The following TAAR5 variants were observed in gnomAD, a reference collection of about 807,000 sequenced individuals.
The protein encoded by TAAR5 is trace amine-associated receptor 5.
In TAAR5, 27 loss-of-function variants were observed where a neutral mutation model predicts 21.1. That is an observed-to-expected ratio of 1.28 (90% CI 0.94 to 1.76). The LOEUF (loss-of-function observed/expected upper bound fraction) is 1.76, where lower values mean the gene tolerates loss of function less well. TAAR5 is among the 40% of genes most tolerant of loss of function. The pLI, the probability that TAAR5 is intolerant of heterozygous loss-of-function variation, is 0.00. For missense variants in TAAR5, 495 were observed against 405.6 expected, an observed-to-expected ratio of 1.22 and a Z score of -1.89; for synonymous variants, 203 against 167.5, an observed-to-expected ratio of 1.21 and a Z score of -1.64.
At chr6:132,604,357 G>A in the TAAR5 span, among the ~76,000 whole-genome samples, 1 of 151,812 alleles carries the variant, frequency 6.6e-6, no homozygotes, top group African/African-American at 2.4e-5. Flanking sequence ...TGGCCAAGAC[G>A]GTCTTGATCT....
chr6:132,612,505 G>A, the TAAR5 span, among the ~76,000 whole-genome samples: 3 of 152,162 alleles, frequency 2.0e-5, no homozygotes, highest in African/African-American at 7.2e-5. Context: ...GAGGAGCTGA[G>A]AGATTTTGTG....
At chr6:132,605,712 G>T in the TAAR5 span, among the ~76,000 whole-genome samples, 1 of 152,120 alleles carries the variant, frequency 6.6e-6, no homozygotes, top group African/African-American at 2.4e-5. Context: ...CCAAACCTCA[G>T]CATCACACAA....
the TAAR5 span, chr6:132,609,203 T>G: frequency 2.8e-6 from 1 of 354,276 alleles, no homozygotes; most frequent in East Asian, 7.4e-5. Context: ...AAAAGAGCGG[T>G]TGGTGGGAGG....
chr6:132,595,300 A>G, the TAAR5 span: 1 of 152,910 alleles, frequency 6.5e-6, no homozygotes, highest in Non-Finnish European at 1.5e-5. Flanking sequence ...CAGCATTGTC[A>G]TCACTATAGA....
chr6:132,588,724 G>A lies in TAAR5; in HGVS notation c.963C>T (p.Ser321=). The A allele has an allele frequency of 3.1e-6, 5 of 1,614,004 alleles. No individual in the cohort carries two copies. Among genetic ancestry groups the A allele is most frequent in the Non-Finnish European group, 4.2e-6 (5 of 1,179,974 alleles). Residue 321 remains serine, a synonymous_variant, in exon 1 of 1, where the codon AGC becomes AGT. Coordinates refer to ENST00000258034, the MANE Select transcript of TAAR5 (RefSeq NM_003967.3). ...WFRKALKLTL[S]QKVFSPQTRT... Reference sequence around the variant, plus strand: ...GTGTCTGCGGTGAGAAGACCTTCTGGCTCAGTGTGAGTTTCAGTGCCTTCC... The same window carrying A: ...GTGTCTGCGGTGAGAAGACCTTCTGACTCAGTGTGAGTTTCAGTGCCTTCC...
chr6:132,591,503 C>T (rs755238278), upstream of TAAR5, among the ~76,000 whole-genome samples: 8 of 152,204 alleles, frequency 5.3e-5, no homozygotes, highest in East Asian at 1.2e-3. Context: ...AGCCTGGCTA[C>T]CGCTGGAATC....
the TAAR5 span, among the ~76,000 whole-genome samples, chr6:132,597,128 A>C: frequency 6.6e-6 from 1 of 152,142 alleles, no homozygotes; most frequent in Non-Finnish European, 1.5e-5. Context: ...ATATAATTTA[A>C]CCTCCTCAGT....
chr6:132,604,184 G>T, the TAAR5 span, among the ~76,000 whole-genome samples: 10 of 133,768 alleles, frequency 7.5e-5, no homozygotes, highest in Non-Finnish European at 1.5e-4. Context: ...TCTCTCAGTC[G>T]CCAGGCTAGA....
upstream of TAAR5, chr6:132,594,395 G>A (rs550327318): frequency 6.6e-6 from 1 of 152,222 alleles, no homozygotes; most frequent in African/African-American, 2.4e-5. Flanking sequence ...CACAGCCTAA[G>A]CATGGGCAGA....
the TAAR5 span, among the ~76,000 whole-genome samples, chr6:132,603,833 G>C: frequency 6.6e-6 from 1 of 152,024 alleles, no homozygotes. Context: ...TAAATCATCA[G>C]TAAGAGAACT....
upstream of TAAR5, among the ~76,000 whole-genome samples, chr6:132,593,526 T>A (rs1428645269): frequency 2.0e-5 from 3 of 152,120 alleles, no homozygotes; most frequent in African/African-American, 7.2e-5. Flanking sequence ...GAGATTTGGT[T>A]TAGGAATGAA....
chr6:132,592,948 A>C (rs1225664310), upstream of TAAR5, among the ~76,000 whole-genome samples: 3 of 152,172 alleles, frequency 2.0e-5, no homozygotes, highest in Non-Finnish European at 4.4e-5. Context: ...ACAGAACAGT[A>C]GCTACCCAGG....
the TAAR5 span, among the ~76,000 whole-genome samples, chr6:132,598,915 CCCATGCTCCGT>C: frequency 3.8e-3 from 576 of 152,274 alleles, 3 homozygotes; most frequent in African/African-American, 0.013. Context: ...TGAAATACAA[CCCATGCTCCGT>C]CCACTTATTA....
chr6:132,615,857 AC>A, the TAAR5 span, among the ~76,000 whole-genome samples: 1 of 141,678 alleles, frequency 7.1e-6, no homozygotes, highest in South Asian at 2.5e-4. Flanking sequence ...TCAGTGAAAC[AC>A]AGTTCACTAC....
the TAAR5 span, chr6:132,609,437 A>G: frequency 1.2e-5 from 2 of 164,574 alleles, no homozygotes; most frequent in South Asian, 3.0e-4. Context: ...ATTTTAAATT[A>G]TATCAACTGT....
chr6:132,589,741 GCAAAAAAAAAAAAAAAA>G, upstream of TAAR5: 3 of 108,246 alleles, frequency 2.8e-5, no homozygotes, highest in Non-Finnish European at 2.8e-5. Context: ...CCACTGGAGG[GCAAAAAAAAAAAAAAAA>G]AAAAAAAAAA....
chr6:132,599,479 A>T, the TAAR5 span, among the ~76,000 whole-genome samples: 2 of 151,164 alleles, frequency 1.3e-5, no homozygotes, highest in African/African-American at 4.9e-5. Context: ...CAGGCACCTG[A>T]CACCATGCCT....
chr6:132,608,977 T>C, the TAAR5 span: 2 of 455,726 alleles, frequency 4.4e-6, no homozygotes, highest in African/African-American at 4.0e-5. Flanking sequence ...ACAAAAGCCA[T>C]CCCCAAAGTA....
chr6:132,603,206 G>T, the TAAR5 span, among the ~76,000 whole-genome samples: 1 of 151,428 alleles, frequency 6.6e-6, no homozygotes, highest in Non-Finnish European at 1.5e-5. Flanking sequence ...GGAGGCTGAG[G>T]TGGTAGGATA....
Sources: allele counts gnomAD v4.1 joint callset (sites outside exome capture counted in the v4.1 genomes callset), GRCh38; gene constraint gnomAD v4.1.1; transcripts MANE v1.5; gene names NCBI Gene and HGNC (gene_info 2026-07-23, HGNC 2026-07-21).